The following CCDC152 variants were observed in gnomAD, a reference collection of about 807,000 sequenced individuals.
CCDC152 encodes coiled-coil domain-containing protein 152.
A neutral mutation model predicts 38.1 loss-of-function variants in CCDC152; 37 were observed. The ratio of observed to expected loss-of-function variants is 0.97; its 90% CI spans 0.75 to 1.28. The LOEUF is 1.28. Among genes scored for constraint, CCDC152 ranks in the 50% most tolerant of loss-of-function variants. The probability of loss-of-function intolerance (pLI) is 0.00; values close to 1 mark genes in which losing one functional copy is unlikely to be tolerated. For missense variants in CCDC152, 259 were observed against 292.1 expected (o/e 0.89, Z 0.83); for synonymous variants, 83 against 87.1 (o/e 0.95, Z 0.26).
chr5:42,785,514 A>G (rs1264131363), intron 6 of CCDC152, among the ~76,000 whole-genome samples: 1 of 151,964 alleles, frequency 6.6e-6, no homozygotes, highest in Non-Finnish European at 1.5e-5. Flanking sequence ...TTCTAGGTGT[A>G]GAATCTTTTA....
At chr5:42,798,885 G>A (rs16872756) in intron 7 of CCDC152, among the ~76,000 whole-genome samples, 7 of 152,276 alleles carry the variant, frequency 4.6e-5, no homozygotes, top group African/African-American at 1.4e-4. Flanking sequence ...CGACAAGATC[G>A]TATTCAAATT....
At chr5:42,780,519 G>T (rs904878365) in intron 5 of CCDC152, among the ~76,000 whole-genome samples, 9 of 152,092 alleles carry the variant, frequency 5.9e-5, no homozygotes, top group African/African-American at 2.2e-4. Context: ...TGGGGAACCA[G>T]GGGGAGAAAA....
intron 6 of CCDC152, among the ~76,000 whole-genome samples, chr5:42,792,474 C>T: frequency 6.6e-6 from 1 of 152,116 alleles, no homozygotes; most frequent in Non-Finnish European, 1.5e-5. Flanking sequence ...TATTTCCATC[C>T]ATATTTCAAA....
intron 7 of CCDC152, among the ~76,000 whole-genome samples, chr5:42,797,350 C>T (rs531104009): frequency 1.3e-5 from 2 of 152,326 alleles, no homozygotes; most frequent in South Asian, 4.1e-4. Context: ...GACTTTACTA[C>T]CAGTTCCTGT....
rs1760162887 is a variant in CCDC152, at chr5:42,800,630, T to A, written c.*849T>A. 7.0e-7 allele frequency: 1 copy of A among 1,420,200 alleles called. No homozygotes were observed. Among genetic ancestry groups the A allele is most frequent in the Admixed American group, 2.3e-5 (1 of 42,944 alleles). The allele number at this position is 1,420,200 out of a possible 1,614,324, so 88.0% of individuals were successfully genotyped here. The stretch of plus-strand genomic sequence containing the variant: ...CATGTTTGCACAAATCTAATTTCTA[T>A]TTTTGGTTCACTAATTTGGTAGTTT... On this transcript the variant is annotated 3_prime_UTR_variant, in exon 9 of 9. Transcript: ENST00000361970.
intron 6 of CCDC152, among the ~76,000 whole-genome samples, chr5:42,788,124 T>C (rs1316160038): frequency 1.3e-5 from 2 of 152,158 alleles, no homozygotes; most frequent in Non-Finnish European, 2.9e-5. Flanking sequence ...CTTGTAGGTC[T>C]GGTCTGGTGA....
rs137870187 is a variant in CCDC152 at position 42,761,699 on chromosome 5, C to T, written c.88-744C>T. Among the ~76,000 whole-genome samples the T allele has an allele frequency of 7.2e-5, 11 of 152,246 alleles. No individual in the cohort carries two copies. In the East Asian group the frequency reaches 2.1e-3, roughly 29 times the overall value. ...AGATAATAGTACTAAGCGGAACAGC[C>T]AAGGCACAGAACAGAATATAATATG... On this transcript the variant is annotated intron_variant, in intron 2 of 8. Coordinates refer to ENST00000361970, the MANE Select transcript of CCDC152 (RefSeq NM_001134848.2).
intron 2 of CCDC152, among the ~76,000 whole-genome samples, chr5:42,761,474 G>A (rs1322971199): frequency 6.6e-6 from 1 of 152,076 alleles, no homozygotes; most frequent in Non-Finnish European, 1.5e-5. Context: ...AATTAGCCGG[G>A]TGTGGTGGCG....
rs965558218 is a variant in CCDC152 at position 42,801,810 on chromosome 5, G to C, written c.*2029G>C. ...CAGATGCCTGTAGTCCCAGCTACTT[G>C]TGAGGCTGAGGTGGGAGGATCGTTT... On this transcript the variant is annotated 3_prime_UTR_variant, in exon 9 of 9. Transcript: ENST00000361970. The C allele has an allele frequency of 6.4e-6, 1 of 155,754 alleles. No individual in the cohort carries two copies. The highest frequency in any genetic ancestry group is 1.4e-5 in the Non-Finnish European group (1 of 70,606). 9.6% of individuals were successfully genotyped at this position (155,754 alleles called of 1,614,324 possible).
chr5:42,801,319 CATCTTT>C lies in CCDC152; in HGVS notation c.*1539_*1544del. ...AAAGATACACGTTTACAAAAGTCTT[CATCTTT>C]GAGAGTCTGGAACAAATTTATAAAT... On this transcript the variant is annotated 3_prime_UTR_variant, in exon 9 of 9. Coordinates refer to ENST00000361970, the MANE Select transcript of CCDC152 (RefSeq NM_001134848.2). 6.2e-7 allele frequency: 1 copy of C among 1,605,950 alleles called. No individual in the cohort carries two copies. Among genetic ancestry groups the C allele is most frequent in the Non-Finnish European group, 8.5e-7 (1 of 1,176,294 alleles).
chr5:42,773,150 A>G (rs1358705632), intron 4 of CCDC152, among the ~76,000 whole-genome samples: 1 of 152,182 alleles, frequency 6.6e-6, no homozygotes, highest in African/African-American at 2.4e-5. Flanking sequence ...AACTAAAAGG[A>G]TCTGGTTTTT....
chr5:42,801,486 T>A lies in CCDC152; in HGVS notation c.*1705T>A. 1.7e-6 allele frequency: 1 copy of A among 576,610 alleles called. No homozygotes were observed. Among genetic ancestry groups the A allele is most frequent in the East Asian group, 2.9e-5 (1 of 34,738 alleles). The allele number at this position is 576,610 out of a possible 1,614,324, so 35.7% of individuals were successfully genotyped here. A position where few individuals can be genotyped will look rare whatever the true frequency, so the allele number is the denominator to read the frequency against. On this transcript the variant is annotated 3_prime_UTR_variant, in exon 9 of 9. Transcript: ENST00000361970. ...TTAATGAGAAAGAGTCTGATGTTAGTCTCAACACCTAGACATTTTATTAAA... is the reference window on the plus strand; with the variant it reads ...TTAATGAGAAAGAGTCTGATGTTAGACTCAACACCTAGACATTTTATTAAA...
At chr5:42,772,138 G>GT (rs1340189972) in intron 4 of CCDC152, among the ~76,000 whole-genome samples, 1 of 152,064 alleles carries the variant, frequency 6.6e-6, no homozygotes, top group Non-Finnish European at 1.5e-5. Context: ...TACACCATGT[G>GT]TTTTCTATTT....
intron 6 of CCDC152, among the ~76,000 whole-genome samples, chr5:42,789,737 A>C (rs1328740766): frequency 6.6e-6 from 1 of 152,198 alleles, no homozygotes; most frequent in Admixed American, 6.5e-5. Context: ...CAGATCTCAT[A>C]AGCCTATGTT....
chr5:42,780,751 C>A (rs1358641582), intron 5 of CCDC152, among the ~76,000 whole-genome samples: 1 of 152,148 alleles, frequency 6.6e-6, no homozygotes, highest in Non-Finnish European at 1.5e-5. Flanking sequence ...TCCCCAGGAA[C>A]AAACTCAGGA....
At chr5:42,761,599 A>T (rs1759554636) in intron 2 of CCDC152, among the ~76,000 whole-genome samples, 1 of 152,170 alleles carries the variant, frequency 6.6e-6, no homozygotes, top group Non-Finnish European at 1.5e-5. Context: ...TGGGCAACAG[A>T]GTCAGACTTC....
chr5:42,781,704 C>T (rs1454011945), intron 5 of CCDC152, among the ~76,000 whole-genome samples: 1 of 152,074 alleles, frequency 6.6e-6, no homozygotes, highest in African/African-American at 2.4e-5. Context: ...CACTCCCATT[C>T]ATTCAAGAAA....
chr5:42,764,229 G>A (rs1426618921), intron 3 of CCDC152, among the ~76,000 whole-genome samples: 2 of 152,138 alleles, frequency 1.3e-5, no homozygotes, highest in East Asian at 1.9e-4. Context: ...GGCCAAGATG[G>A]TGAAACCCCG....
At chr5:42,795,039 C>T (rs1760056126) in intron 6 of CCDC152, among the ~76,000 whole-genome samples, 5 of 151,982 alleles carry the variant, frequency 3.3e-5, no homozygotes, top group Admixed American at 3.3e-4. Flanking sequence ...AAATAATAAG[C>T]TAGTTGATTT....
Sources: allele counts gnomAD v4.1 joint callset (sites outside exome capture counted in the v4.1 genomes callset), GRCh38; gene constraint gnomAD v4.1.1; transcripts MANE v1.5; gene names NCBI Gene and HGNC (gene_info 2026-07-23, HGNC 2026-07-21).